The following WDFY3 variants were observed in gnomAD, a reference collection of about 807,000 sequenced individuals.
WDFY3 encodes the protein WD repeat and FYVE domain-containing protein 3.
Under a neutral mutation model 409.6 loss-of-function variants are expected in WDFY3, and 66 were observed. The observed-to-expected ratio is 0.16, with a 90% CI of 0.13 to 0.20. The LOEUF (loss-of-function observed/expected upper bound fraction) is 0.20, where lower values mean the gene tolerates loss of function less well. Among genes scored for constraint, WDFY3 ranks in the 10% least tolerant of loss-of-function variants. The probability of loss-of-function intolerance (pLI) is 1.00; values close to 1 mark genes in which losing one functional copy is unlikely to be tolerated. For synonymous variants in WDFY3, 1,521 were observed against 1,537.1 expected (o/e 0.99, Z 0.25); for missense variants, 3,031 against 4,298.1 (o/e 0.71, Z 8.24).
chr4:84,724,337 C>T (rs2149103379), intron 46 of WDFY3, 89 bp downstream of exon 46: 1 of 1,434,000 alleles, frequency 7.0e-7, no homozygotes, highest in East Asian at 2.4e-5. Flanking sequence ...GTTGGCCCTA[C>T]TATTTATAGT....
rs1725550819 is a variant in WDFY3 at position 84,672,318 on chromosome 4, A to G, written c.*550T>C. 6.6e-6 allele frequency: 1 copy of G among 152,236 alleles called. No individual in the cohort carries two copies. The highest frequency in any genetic ancestry group is 1.5e-5 in the Non-Finnish European group (1 of 68,046). The allele number at this position is 152,236 out of a possible 1,614,324, so 9.4% of individuals were successfully genotyped here. ...TGGGGATTTAAAAAAACATATTTAT[A>G]ATTAATTGGTAAGTGAGGGATGTCA... On this transcript the variant is annotated 3_prime_UTR_variant, in exon 68 of 68. Transcript: ENST00000295888.
intron 16 of WDFY3, among the ~76,000 whole-genome samples, chr4:84,802,623 G>A (rs1042058181): frequency 6.6e-6 from 1 of 152,154 alleles, no homozygotes; most frequent in Non-Finnish European, 1.5e-5. Flanking sequence ...ATTCAGATAA[G>A]TAACTTGCTT....
intron 22 of WDFY3, 144 bp from the exon 23 acceptor site, chr4:84,787,857 G>T: frequency 1.4e-6 from 1 of 723,740 alleles, no homozygotes. Context: ...AACAGGAAGG[G>T]CAAGGCACGA....
intron 45 of WDFY3, 69 bp downstream of exon 45, chr4:84,726,792 A>C (rs996425575): frequency 4.7e-6 from 7 of 1,493,310 alleles, no homozygotes; most frequent in Non-Finnish European, 6.4e-6. Context: ...TGCACTTAAA[A>C]AAAAAACCAG....
intron 5 of WDFY3, chr4:84,849,609 C>A: frequency 5.6e-6 from 1 of 178,568 alleles, no homozygotes; most frequent in Non-Finnish European, 1.1e-5. Context: ...ATAGCTTTGC[C>A]TTAAATTTCA....
intron 17 of WDFY3, among the ~76,000 whole-genome samples, 164 bp from the exon 18 acceptor site, chr4:84,798,272 A>G (rs1240183962): frequency 6.6e-6 from 1 of 152,084 alleles, no homozygotes. Flanking sequence ...TTTAATCACC[A>G]TATAGCTATA....
At chr4:84,686,092 T>C (rs892914065) in intron 62 of WDFY3, among the ~76,000 whole-genome samples, 3 of 152,036 alleles carry the variant, frequency 2.0e-5, no homozygotes, top group African/African-American at 7.3e-5. Context: ...GATCACAAGG[T>C]CAGGAGATCG....
intron 2 of WDFY3, among the ~76,000 whole-genome samples, chr4:84,919,860 T>C (rs1579127871): frequency 6.6e-6 from 1 of 152,102 alleles, no homozygotes; most frequent in African/African-American, 2.4e-5. Context: ...CTAATACACA[T>C]AGTAACTATA....
intron 42 of WDFY3, 94 bp from the exon 43 acceptor site, chr4:84,735,214 A>T: frequency 1.7e-6 from 2 of 1,165,700 alleles, no homozygotes; most frequent in Non-Finnish European, 2.4e-6. Flanking sequence ...TAATTGGTTA[A>T]AATTCTGCCA....
chr4:84,723,818 T>C (rs1157553297), intron 46 of WDFY3, among the ~76,000 whole-genome samples: 1 of 152,150 alleles, frequency 6.6e-6, no homozygotes, highest in South Asian at 2.1e-4. Flanking sequence ...TGTGTTAAGG[T>C]AGGGATAATG....
intron 10 of WDFY3, among the ~76,000 whole-genome samples, chr4:84,821,830 A>G (rs1754113984): frequency 6.6e-6 from 1 of 152,214 alleles, no homozygotes; most frequent in South Asian, 2.1e-4. Context: ...AAAGCATATT[A>G]TTATAAACAT....
chr4:84,895,139 GTA>G (rs1293626648), intron 3 of WDFY3, among the ~76,000 whole-genome samples: 1 of 152,012 alleles, frequency 6.6e-6, no homozygotes, highest in African/African-American at 2.4e-5. Flanking sequence ...TTCAAAAATT[GTA>G]TATGTTAACA....
chr4:84,927,137 ATAAT>A lies in WDFY3; in HGVS notation c.-132+5129_-132+5132del, dbSNP rs546068329. ...TTCTATTTACAGTAATTCACAAATA[ATAAT>A]TAAACAACTACTTATAAAAATAAAC... On this transcript the variant is annotated intron_variant, in intron 2 of 67. Coordinates refer to ENST00000295888, the MANE Select transcript of WDFY3 (RefSeq NM_014991.6). Among the ~76,000 whole-genome samples the A allele has an allele frequency of 4.5e-4, 69 of 152,360 alleles. 1 individual carries two copies. In the South Asian group the frequency reaches 8.1e-3, roughly 18 times the overall value.
chr4:84,878,958 G>C (rs961904741), intron 3 of WDFY3, among the ~76,000 whole-genome samples: 1 of 152,118 alleles, frequency 6.6e-6, no homozygotes, highest in Non-Finnish European at 1.5e-5. Flanking sequence ...GGAACTAAGG[G>C]AATGCCGACT....
intron 16 of WDFY3, 137 bp downstream of exon 16, chr4:84,803,153 A>C (rs906461258): frequency 1.1e-6 from 1 of 925,246 alleles, no homozygotes; most frequent in Non-Finnish European, 1.5e-6. Context: ...AAATAAAAAA[A>C]TCCTTTTTTT....
At chr4:84,866,748 T>A (rs1225223408) in intron 3 of WDFY3, among the ~76,000 whole-genome samples, 1 of 152,192 alleles carries the variant, frequency 6.6e-6, no homozygotes, top group African/African-American at 2.4e-5. Flanking sequence ...CTTTAATAAA[T>A]CCCTGTTTTT....
intron 36 of WDFY3, among the ~76,000 whole-genome samples, chr4:84,750,590 C>T (rs1375743959): frequency 6.6e-6 from 1 of 152,196 alleles, no homozygotes; most frequent in Non-Finnish European, 1.5e-5. Context: ...TTCAGAGCCC[C>T]TGGCATGGAC....
At chr4:84,795,704 G>A (rs1749301307) in intron 19 of WDFY3, among the ~76,000 whole-genome samples, 1 of 152,032 alleles carries the variant, frequency 6.6e-6, no homozygotes, top group South Asian at 2.1e-4. Flanking sequence ...GGAGGTTGCA[G>A]TGAGCCAAGA....
At chr4:84,756,657 G>A (rs1741517136) in intron 33 of WDFY3, among the ~76,000 whole-genome samples, 1 of 149,368 alleles carries the variant, frequency 6.7e-6, no homozygotes, top group African/African-American at 2.4e-5. Flanking sequence ...TATAACAAAA[G>A]AGTTCTTTAG....
Sources: gnomAD v4.1 joint callset for allele counts (sites outside exome capture counted in the v4.1 genomes callset) on GRCh38, gnomAD v4.1.1 for gene constraint, MANE v1.5 for transcripts, NCBI Gene and HGNC (gene_info 2026-07-23, HGNC 2026-07-21) for gene names.